NR3C2: variants seen among roughly 807,000 people sequenced by gnomAD.
NR3C2 encodes mineralocorticoid receptor.
NR3C2 carries 15 observed loss-of-function variants against 86.4 expected under a neutral mutation model. The ratio of observed to expected loss-of-function variants is 0.17; its 90% confidence interval spans 0.12 to 0.27. The LOEUF (loss-of-function observed/expected upper bound fraction) is 0.27, where lower values mean the gene tolerates loss of function less well. Among genes scored for constraint, NR3C2 ranks in the 10% least tolerant of loss-of-function variants. The pLI is 1.00. For synonymous variants in NR3C2, 458 were observed against 450.5 expected, an observed-to-expected ratio of 1.02 and a Z score of -0.21; for missense variants, 960 against 1,195.6, an observed-to-expected ratio of 0.80 and a Z score of 2.91.
chr4:148,197,911 T>C (rs574157984), intron 3 of NR3C2, among the ~76,000 whole-genome samples: 21 of 152,290 alleles, frequency 1.4e-4, no homozygotes, highest in Middle Eastern at 3.4e-3. Context: ...CCAGTAGGAC[T>C]CAGGGAACTT....
chr4:148,410,398 C>T (rs1004893641), intron 2 of NR3C2, among the ~76,000 whole-genome samples: 5 of 152,132 alleles, frequency 3.3e-5, no homozygotes, highest in Admixed American at 6.5e-5. Context: ...GAAACTACAC[C>T]ATCGTCCAAG....
chr4:148,081,590 C>A, intron 8 of NR3C2, 91 bp from the exon 9 acceptor site: 1 of 1,576,600 alleles, frequency 6.3e-7, no homozygotes, highest in African/African-American at 1.3e-5. Flanking sequence ...ACTCAAATGA[C>A]AACATTTAGA....
In NR3C2 at chr4:148,109,712, G is replaced by A. The variant is rs1388494216; in HGVS notation, c.2799+4392C>T. Among the ~76,000 whole-genome samples the A allele has an allele frequency of 3.3e-5, 5 of 152,086 alleles. No homozygotes were observed. In the East Asian group the frequency reaches 7.7e-4, roughly 23 times the overall value. On this transcript the variant is annotated intron_variant, in intron 8 of 8. Coordinates refer to ENST00000358102, the MANE Select transcript of NR3C2 (RefSeq NM_000901.5). ...CACACTATGCACACTATTTATCAGG[G>A]GTCAGGTTGCTATCTTATTTATTGT...
At chr4:148,335,171 G>C (rs1744419307) in intron 2 of NR3C2, among the ~76,000 whole-genome samples, 1 of 152,176 alleles carries the variant, frequency 6.6e-6, no homozygotes, top group Non-Finnish European at 1.5e-5. Context: ...GTCAGGGTGG[G>C]AGAAGATAAT....
chr4:148,141,923 T>C (rs1212237637), intron 6 of NR3C2, among the ~76,000 whole-genome samples: 1 of 152,154 alleles, frequency 6.6e-6, no homozygotes, highest in Non-Finnish European at 1.5e-5. Context: ...AACTGGTCCC[T>C]GATGCCCAAA....
At chr4:148,229,901 C>T (rs553502533) in intron 3 of NR3C2, among the ~76,000 whole-genome samples, 1 of 152,162 alleles carries the variant, frequency 6.6e-6, no homozygotes, top group African/African-American at 2.4e-5. Flanking sequence ...CAACCCTTCC[C>T]CTACAGCTTA....
chr4:148,367,482 T>C (rs976622344), intron 2 of NR3C2, among the ~76,000 whole-genome samples: 3 of 152,154 alleles, frequency 2.0e-5, no homozygotes, highest in African/African-American at 7.2e-5. Context: ...TCAGCTTGGG[T>C]TGAATACGAA....
chr4:148,411,579 G>T (rs1204930759), intron 2 of NR3C2, among the ~76,000 whole-genome samples: 5 of 152,008 alleles, frequency 3.3e-5, no homozygotes, highest in Non-Finnish European at 7.4e-5. Context: ...TATATAAACG[G>T]CATCACAAGG....
At chr4:148,111,372 T>G (rs1004465120) in intron 8 of NR3C2, among the ~76,000 whole-genome samples, 11 of 152,240 alleles carry the variant, frequency 7.2e-5, no homozygotes, top group Admixed American at 5.9e-4. Flanking sequence ...ATATGCTTCT[T>G]GTGGGAACAG....
At chr4:148,203,698 G>A (rs1736853777) in intron 3 of NR3C2, among the ~76,000 whole-genome samples, 1 of 135,190 alleles carries the variant, frequency 7.4e-6, no homozygotes, top group South Asian at 2.2e-4. Context: ...GGTGAGTTAA[G>A]ACGGTGTCCA....
chr4:148,092,257 A>G (rs1731093605), intron 8 of NR3C2, among the ~76,000 whole-genome samples: 1 of 152,036 alleles, frequency 6.6e-6, no homozygotes, highest in South Asian at 2.1e-4. Flanking sequence ...TGTTTTTCTC[A>G]TTTACTTAAC....
intron 2 of NR3C2, among the ~76,000 whole-genome samples, chr4:148,330,548 T>C (rs1744179254): frequency 6.6e-6 from 1 of 152,210 alleles, no homozygotes; most frequent in African/African-American, 2.4e-5. Context: ...AATATTTTTC[T>C]TTCACTGATT....
Position 148,278,942 on chromosome 4 carries a change from C to T in NR3C2, c.1758-18825G>A, listed in dbSNP as rs188292046. Among the ~76,000 whole-genome samples, 164 of 151,594 alleles carry T rather than the reference C, an allele frequency of 1.1e-3. 1 individual carries two copies. The highest frequency in any genetic ancestry group is 3.8e-3 in the African/African-American group (156 of 41,310). On this transcript the variant is annotated intron_variant, in intron 2 of 8. Transcript: ENST00000358102. ...CTTTGGGAGGCTGAGACGGGTAGATCACCTGAGGTCAGGAGTTCGAGACCA... is the reference window on the plus strand; with the variant it reads ...CTTTGGGAGGCTGAGACGGGTAGATTACCTGAGGTCAGGAGTTCGAGACCA...
chr4:148,111,704 C>T (rs761340685), intron 8 of NR3C2, among the ~76,000 whole-genome samples: 2 of 152,152 alleles, frequency 1.3e-5, no homozygotes, highest in Non-Finnish European at 2.9e-5. Context: ...CTCAACGTTA[C>T]TATGCTAAGT....
chr4:148,254,463 T>C (rs1739728232), intron 3 of NR3C2, among the ~76,000 whole-genome samples: 1 of 152,196 alleles, frequency 6.6e-6, no homozygotes, highest in Admixed American at 6.5e-5. Flanking sequence ...GGTCAATTGT[T>C]GGAGAAACCT....
chr4:148,260,647 G>T (rs536480935), intron 2 of NR3C2, among the ~76,000 whole-genome samples: 1 of 151,820 alleles, frequency 6.6e-6, no homozygotes. Flanking sequence ...CTAAGCTCCC[G>T]CATTTTTTCA....
At chr4:148,132,804 A>G (rs948971747) in intron 6 of NR3C2, among the ~76,000 whole-genome samples, 2 of 152,214 alleles carry the variant, frequency 1.3e-5, no homozygotes, top group Non-Finnish European at 2.9e-5. Context: ...ATTAAGGTTA[A>G]AACACCCAAC....
chr4:148,154,828 G>C lies in NR3C2; in HGVS notation c.2088C>G (p.Pro696=). ...EEQPQQQQPP[P]PPPPPQSPEE... ...CTGGGCTTTGCGGGGGTGGGGGTGG[G>C]GGTGGGGGCTGCTGCTGCTGTGGCT... is the stretch of plus-strand genomic sequence containing the variant. Residue 696 remains proline (P), a synonymous_variant, in exon 5 of 9, where the codon CCC becomes CCG. Coordinates refer to ENST00000358102, the MANE Select transcript of NR3C2 (RefSeq NM_000901.5). The C allele has an allele frequency of 2.0e-6, 3 of 1,466,124 alleles. No homozygotes were observed. Among genetic ancestry groups the C allele is most frequent in the Non-Finnish European group, 2.8e-6 (3 of 1,082,444 alleles). The allele number at this position is 1,466,124 out of a possible 1,614,324, so 90.8% of individuals were successfully genotyped here.
intron 1 of NR3C2, 93 bp from the exon 2 acceptor site, chr4:148,436,955 CAT>C: frequency 1.0e-6 from 1 of 1,000,232 alleles, no homozygotes; most frequent in Non-Finnish European, 1.5e-6. Context: ...AGCCACAAAA[CAT>C]ATTCTACTTA....
Sources: allele counts gnomAD v4.1 joint callset (sites outside exome capture counted in the v4.1 genomes callset), GRCh38; gene constraint gnomAD v4.1.1; transcripts MANE v1.5; gene names NCBI Gene and HGNC (gene_info 2026-07-23, HGNC 2026-07-21).